The following COL2A1 variants were observed in gnomAD, a reference collection of about 807,000 sequenced individuals.
COL2A1 encodes the protein collagen type II alpha 1 chain.
COL2A1 carries 28 observed loss-of-function variants against 204.5 expected under a neutral mutation model. The ratio of observed to expected loss-of-function variants is 0.14; its 90% CI spans 0.10 to 0.19. COL2A1 has a LOEUF of 0.19. Among genes scored for constraint, COL2A1 ranks in the 10% least tolerant of loss-of-function variants. The pLI is 1.00. For missense variants in COL2A1, 1,388 were observed against 2,027.5 expected, an observed-to-expected ratio of 0.68 and a Z score of 6.06; for synonymous variants, 708 against 718.7, an observed-to-expected ratio of 0.99 and a Z score of 0.24.
rs374036874 is a variant in COL2A1, at chr12:47,977,113, G to A, written c.3316C>T (p.Arg1106Trp). The A allele has an allele frequency of 7.5e-6, 12 of 1,608,284 alleles. No individual in the cohort carries two copies. Among genetic ancestry groups the A allele is most frequent in the Non-Finnish European group, 9.3e-6 (11 of 1,177,966 alleles). ...PMGPSGPAGA[R>W]GIQGPQGPRG... is the part of the protein sequence containing the mutation. The stretch of plus-strand genomic sequence containing the variant: ...ACTTGGATACTCACCTGGATTCCCC[G>A]GGCTCCAGCTGGTCCTGAGGGTCCC... Residue 1106 changes from arginine (R) to tryptophan (W), a missense_variant, in exon 47 of 54, where the codon CGG (arginine) becomes TGG (tryptophan). Physicochemically the swap from Arg to Trp is moderately radical, Grantham distance 101. Coordinates refer to ENST00000380518, the MANE Select transcript of COL2A1 (RefSeq NM_001844.5).
At chr12:47,996,502 C>T (rs2136621726) in intron 8 of COL2A1, 46 bp downstream of exon 8, 1 of 1,512,036 alleles carries the variant, frequency 6.6e-7, no homozygotes. Flanking sequence ...CTGCTAAGGG[C>T]CACCTCCTGC....
rs551503684 is a variant in COL2A1 at position 47,984,658 on chromosome 12, G to A, written c.1834-59C>T. 8.4e-5 allele frequency: 129 copies of A among 1,536,222 alleles called. 1 individual carries two copies. The African/African-American group carries it at 1.4e-3, about 17-fold the overall frequency. On this transcript the variant is annotated intron_variant, in intron 27 of 53. Coordinates refer to ENST00000380518, the MANE Select transcript of COL2A1 (RefSeq NM_001844.5). ...ATGGTTTGGGAGGGAGTTGGGGGCA[G>A]AGCGGGCTGCAGGGACTGAGGCCTG...
chr12:47,984,042 G>A (rs1201814407), intron 29 of COL2A1, 45 bp downstream of exon 29: 1 of 1,558,976 alleles, frequency 6.4e-7, no homozygotes, highest in Non-Finnish European at 8.8e-7. Context: ...ACCCCTCCCA[G>A]CCCCTGCCCC....
At position 47,983,156 on chromosome 12, in the gene COL2A1, T is replaced by C. The variant is rs1203918176; in HGVS notation, c.2050-19A>G. The C allele has an allele frequency of 1.2e-6, 2 of 1,612,230 alleles. No homozygotes were observed. Among genetic ancestry groups the C allele is most frequent in the South Asian group, 1.1e-5 (1 of 90,656 alleles). The stretch of plus-strand genomic sequence containing the variant: ...GAACACCCTGGAGAACAAAGAAAGA[T>C]GTGTGAGAGTGAAGGCTTCATATCA... On this transcript the variant is annotated intron_variant, in intron 31 of 53. Coordinates refer to ENST00000380518, the MANE Select transcript of COL2A1 (RefSeq NM_001844.5).
chr12:47,973,235 G>A lies in COL2A1; in HGVS notation c.*172C>T. On this transcript the variant is annotated 3_prime_UTR_variant, in exon 54 of 54. Coordinates refer to ENST00000380518, the MANE Select transcript of COL2A1 (RefSeq NM_001844.5). ...GAGATTTTATTTTGCAGTCTGCCCA[G>A]TTCAGGTCTCTTAGAAAGAGAGGGG... 1 of 816,218 alleles carries A rather than the reference G, an allele frequency of 1.2e-6. No individual in the cohort carries two copies. Among genetic ancestry groups the A allele is most frequent in the Non-Finnish European group, 2.1e-6 (1 of 467,730 alleles). 50.6% of individuals were successfully genotyped at this position (816,218 alleles called of 1,614,324 possible).
At position 47,977,163 on chromosome 12, in the gene COL2A1, G is replaced by A; in HGVS notation, c.3274-8C>T. 6.2e-7 allele frequency: 1 copy of A among 1,611,336 alleles called. No homozygotes were observed. The highest frequency in any genetic ancestry group is 8.5e-7 in the Non-Finnish European group (1 of 1,179,006). On this transcript the variant is annotated splice_region_variant and splice_polypyrimidine_tract_variant and intron_variant, in intron 46 of 53. Coordinates refer to ENST00000380518, the MANE Select transcript of COL2A1 (RefSeq NM_001844.5). ...CATGGGGCCTTGTGCACCCTGAGGA[G>A]AGAGTGAGCGCAGCGTCAGAGAAAA...
Position 47,984,099 on chromosome 12 carries a change from G to C in COL2A1, c.1929C>G (p.Pro643=). Residue 643 remains proline, a synonymous_variant, in exon 29 of 54, where the codon CCC becomes CCG. Coordinates refer to ENST00000380518, the MANE Select transcript of COL2A1 (RefSeq NM_001844.5). ...GKDGETGAAG[P]PGPAGPAGER... The stretch of plus-strand genomic sequence containing the variant: ...GGCAGGTACTTACAGCAGGGCCAGG[G>C]GGTCCTGCAGCACCTGTCTCACCAT... 2 of 1,613,262 alleles carry C rather than the reference G, an allele frequency of 1.2e-6. No individual in the cohort carries two copies. Among genetic ancestry groups the C allele is most frequent in the East Asian group, 4.5e-5 (2 of 44,868 alleles).
chr12:47,985,444 C>T, intron 26 of COL2A1, 90 bp downstream of exon 26: 1 of 1,343,940 alleles, frequency 7.4e-7, no homozygotes, highest in South Asian at 1.2e-5. Flanking sequence ...GTACTTCAGG[C>T]CTCCCTAACC....
upstream of COL2A1, chr12:48,004,562 C>T (rs1940389638): frequency 2.8e-5 from 13 of 469,530 alleles, no homozygotes; most frequent in Non-Finnish European, 1.9e-5. Context: ...CCGCCCCCTG[C>T]CCCCCGCTGG....
At chr12:47,991,930 A>T (rs1939728881) in intron 16 of COL2A1, among the ~76,000 whole-genome samples, 1 of 152,016 alleles carries the variant, frequency 6.6e-6, no homozygotes, top group Non-Finnish European at 1.5e-5. Context: ...TGCTTATTTC[A>T]CTGATCTGCC....
In COL2A1 at chr12:47,997,611, C is replaced by T. The variant is rs201003836; in HGVS notation, c.526G>A (p.Gly176Ser). The T allele has an allele frequency of 1.4e-5, 22 of 1,613,916 alleles. No individual in the cohort carries two copies. The African/African-American group carries it at 2.8e-4, about 21-fold the overall frequency. Residue 176 changes from glycine to serine, a missense_variant, in exon 7 of 54, where the codon GGT (glycine) becomes AGT (serine). By Grantham distance (56) the Gly-to-Ser change is moderately conservative (BLOSUM62 0). Around this residue, in one of 3 missense-constraint regions of COL2A1, gnomAD observed 201 missense variants for 242.4 expected, o/e 0.83. Coordinates refer to ENST00000380518, the MANE Select transcript of COL2A1 (RefSeq NM_001844.5). Reference sequence around the variant, plus strand: ...TGGGAAGTAAGGATACTTACTCCACCAAGACCAGGGGGACCAGGGGGGCCG... The same window carrying T: ...TGGGAAGTAAGGATACTTACTCCACTAAGACCAGGGGGACCAGGGGGGCCG... ...PPGPPGPPGLGGNFAAQMAGG... is the reference protein window; with the variant it reads ...PPGPPGPPGLSGNFAAQMAGG...
chr12:47,992,898 T>A lies in COL2A1; in HGVS notation c.1003A>T (p.Thr335Ser). The A allele has an allele frequency of 6.2e-7, 1 of 1,614,188 alleles. No individual in the cohort carries two copies. The highest frequency in any genetic ancestry group is 1.3e-5 in the African/African-American group (1 of 75,044). The part of the protein sequence containing the change: ...PRGLPGERGR[T>S]GPAGAAGARG... ...CTCACCGCAGCGCCAGCAGGGCCAGTCCGTCCTCTTTCACCAGGCAGGCCA... is the reference window on the plus strand; with the variant it reads ...CTCACCGCAGCGCCAGCAGGGCCAGACCGTCCTCTTTCACCAGGCAGGCCA... Residue 335 changes from threonine to serine, a missense_variant, in exon 16 of 54, where the codon ACT becomes TCT. Coordinates refer to ENST00000380518, the MANE Select transcript of COL2A1 (RefSeq NM_001844.5).
In COL2A1 at chr12:47,978,414, C is replaced by T. The variant is rs1353626430; in HGVS notation, c.2896-16G>A. The T allele has an allele frequency of 6.2e-7, 1 of 1,612,066 alleles. No individual in the cohort carries two copies. The highest frequency in any genetic ancestry group is 1.1e-5 in the South Asian group (1 of 90,832). On this transcript the variant is annotated splice_polypyrimidine_tract_variant and intron_variant, in intron 42 of 53. Transcript: ENST00000380518. The surrounding 1 kb of genome is among the most constrained non-coding windows in gnomAD (Gnocchi z 5.5). ...CTTCGGCACCCTGAGAGAGGAGAGG[C>T]AGGAGATGAGAACTGACAGTGGCCC...
In COL2A1 at chr12:47,998,209, A is replaced by G. The variant is rs1369777718; in HGVS notation, c.310-8T>C. On this transcript the variant is annotated splice_region_variant and splice_polypyrimidine_tract_variant and intron_variant, in intron 3 of 53. Transcript: ENST00000380518. ...AGGTTCTCCTTTCTGTCCCTGAAAC[A>G]TGAAACATTCACAGGATTAAGCCGA... The G allele has an allele frequency of 4.3e-6, 7 of 1,614,168 alleles. No homozygotes were observed. Among genetic ancestry groups the G allele is most frequent in the Non-Finnish European group, 5.9e-6 (7 of 1,180,040 alleles).
chr12:47,982,229 C>T, intron 34 of COL2A1, 69 bp from the exon 35 acceptor site: 3 of 1,424,066 alleles, frequency 2.1e-6, no homozygotes, highest in East Asian at 2.3e-5. Flanking sequence ...TCAGTCCCAC[C>T]CAGGCTGGGG....
chr12:47,985,019 A>G lies in COL2A1; in HGVS notation c.1809T>C (p.Gly603=), dbSNP rs1481477142. ...QGARGQPGVM[G]FPGPKGANGE... ...CGTTGGCACCTTTGGGGCCAGGGAA[A>G]CCCATGACACCAGGCTGCCCACGAG... The change falls in exon 27 of 54, where the codon GGT becomes GGC. Residue 603 remains glycine, a synonymous_variant. Coordinates refer to ENST00000380518, the MANE Select transcript of COL2A1 (RefSeq NM_001844.5). 1 of 1,613,948 alleles carries G rather than the reference A, an allele frequency of 6.2e-7. No individual in the cohort carries two copies.
intron 16 of COL2A1, among the ~76,000 whole-genome samples, chr12:47,990,973 G>C (rs551469159): frequency 1.3e-5 from 2 of 152,226 alleles, no homozygotes; most frequent in Non-Finnish European, 2.9e-5. Flanking sequence ...GGATGCTTTA[G>C]GGGGAGCTCG....
intron 26 of COL2A1, 92 bp from the exon 27 acceptor site, chr12:47,985,185 A>C: frequency 1.0e-6 from 1 of 992,512 alleles, no homozygotes; most frequent in Non-Finnish European, 1.6e-6. Flanking sequence ...CAGGCCCAGG[A>C]CTAGGCACCA....
At chr12:48,002,577 G>A (rs1940282264) in intron 1 of COL2A1, 1 of 152,206 alleles carries the variant, frequency 6.6e-6, no homozygotes, top group East Asian at 1.9e-4. Context: ...GCGGCGATGA[G>A]AGAGCTCTAC....
Sources: gnomAD v4.1 joint callset for allele counts (sites outside exome capture counted in the v4.1 genomes callset) on GRCh38, gnomAD v4.1.1 for gene constraint, gnomAD v4.1.1 regional missense constraint, Gnocchi (gnomAD v3.1) non-coding constraint, MANE v1.5 for transcripts, NCBI Gene and HGNC (gene_info 2026-07-23, HGNC 2026-07-21) for gene names.